ADGRB3: variants seen among roughly 807,000 people sequenced by gnomAD.
The protein encoded by ADGRB3 is brain-specific angiogenesis inhibitor 3.
A neutral mutation model predicts 193.4 loss-of-function variants in ADGRB3; 37 were observed. The ratio of observed to expected loss-of-function variants is 0.19; its 90% CI spans 0.15 to 0.25. The LOEUF is 0.25. Among genes scored for constraint, ADGRB3 ranks in the 10% least tolerant of loss-of-function variants. The probability of loss-of-function intolerance (pLI) is 1.00; values close to 1 mark genes in which losing one functional copy is unlikely to be tolerated. For missense variants in ADGRB3, 1,637 were observed against 1,852.9 expected (o/e 0.88, Z 2.14); for synonymous variants, 690 against 644.2 (o/e 1.07, Z -1.08).
intron 3 of ADGRB3, among the ~76,000 whole-genome samples, chr6:68,728,749 A>G (rs1765719648): frequency 6.6e-6 from 1 of 151,614 alleles, no homozygotes; most frequent in Non-Finnish European, 1.5e-5. Context: ...GTAATTGCCT[A>G]AAGTCAAACA....
intron 17 of ADGRB3, among the ~76,000 whole-genome samples, chr6:69,219,064 T>C (rs535966039): frequency 4.0e-4 from 61 of 152,194 alleles, no homozygotes; most frequent in African/African-American, 1.4e-3. Flanking sequence ...ATTGAAAATA[T>C]ATAGCATAGC....
At chr6:69,162,705 T>A (rs1775030108) in intron 17 of ADGRB3, among the ~76,000 whole-genome samples, 1 of 152,132 alleles carries the variant, frequency 6.6e-6, no homozygotes, top group Non-Finnish European at 1.5e-5. Flanking sequence ...TGAAAATGAT[T>A]TTAAGTTAAA....
chr6:69,112,509 T>A lies in ADGRB3; in HGVS notation c.2480+36471T>A, dbSNP rs527446751. Reference sequence around the variant, plus strand: ...GCACTGGGGACAAGTTAGGTACGCTTCACAAGCACATTTCTCCATGTTTCT... The same window carrying A: ...GCACTGGGGACAAGTTAGGTACGCTACACAAGCACATTTCTCCATGTTTCT... On this transcript the variant is annotated intron_variant, in intron 17 of 31. Coordinates refer to ENST00000370598, the MANE Select transcript of ADGRB3 (RefSeq NM_001704.3). 2.6e-5 allele frequency among the ~76,000 whole-genome samples: 4 copies of A among 152,202 alleles called. No homozygotes were observed. The East Asian group carries it at 7.7e-4, about 29-fold the overall frequency.
intron 3 of ADGRB3, among the ~76,000 whole-genome samples, chr6:68,748,592 C>G (rs963459603): frequency 6.6e-6 from 1 of 152,300 alleles, no homozygotes; most frequent in East Asian, 1.9e-4. Flanking sequence ...CGTGGTACAG[C>G]CTCCCTCTTG....
chr6:68,952,884 TCTTAAGCTTTAACATTAACACA>T (rs1767971831), intron 6 of ADGRB3, among the ~76,000 whole-genome samples: 1 of 152,134 alleles, frequency 6.6e-6, no homozygotes, highest in African/African-American at 2.4e-5. Context: ...ATATTAACAC[TCTTAAGCTTTAACATTAACACA>T]GAATATGTAC....
At chr6:69,166,100 G>A (rs1472560912) in intron 17 of ADGRB3, among the ~76,000 whole-genome samples, 3 of 152,000 alleles carry the variant, frequency 2.0e-5, no homozygotes, top group East Asian at 1.9e-4. Flanking sequence ...ATTTCAGCAA[G>A]GCAGGTATTA....
Position 68,810,703 on chromosome 6 carries a change from A to G in ADGRB3, c.758-119856A>G, listed in dbSNP as rs111263879. ...GATAGACAACAATTAGGTCACAATG[A>G]GGTTAAAAGTAAATAAAAATGAAAA... On this transcript the variant is annotated intron_variant, in intron 3 of 31. Coordinates refer to ENST00000370598, the MANE Select transcript of ADGRB3 (RefSeq NM_001704.3). Among the ~76,000 whole-genome samples the G allele has an allele frequency of 2.6e-3, 397 of 152,304 alleles. 1 individual carries two copies. The highest frequency in any genetic ancestry group is 9.1e-3 in the African/African-American group (378 of 41,558).
intron 11 of ADGRB3, among the ~76,000 whole-genome samples, chr6:68,998,961 A>G (rs532628539): frequency 1.1e-4 from 17 of 152,156 alleles, no homozygotes; most frequent in Non-Finnish European, 5.9e-5. Context: ...CACCTATAAT[A>G]TACACCTTTA....
chr6:69,170,190 A>G (rs1481210083), intron 17 of ADGRB3, among the ~76,000 whole-genome samples: 1 of 152,176 alleles, frequency 6.6e-6, no homozygotes, highest in East Asian at 1.9e-4. Context: ...TAATTTTCCA[A>G]ATTTTTATAA....
chr6:69,011,178 T>TAC (rs1039557183), intron 11 of ADGRB3, among the ~76,000 whole-genome samples: 9 of 151,066 alleles, frequency 6.0e-5, no homozygotes, highest in African/African-American at 1.7e-4. Flanking sequence ...TATATATATA[T>TAC]TCTATATGTG....
intron 3 of ADGRB3, among the ~76,000 whole-genome samples, chr6:68,658,628 A>G (rs1768548019): frequency 6.6e-6 from 1 of 151,330 alleles, no homozygotes; most frequent in African/African-American, 2.4e-5. Flanking sequence ...TTTACTCACT[A>G]ATACAAAGTT....
In ADGRB3 at chr6:69,330,142, T is replaced by C. The variant is rs571548456; in HGVS notation, c.3036-364T>C. Among the ~76,000 whole-genome samples the C allele has an allele frequency of 2.6e-5, 4 of 152,216 alleles. No homozygotes were observed. The East Asian group carries it at 5.8e-4, about 22-fold the overall frequency. On this transcript the variant is annotated intron_variant, in intron 22 of 31. Transcript: ENST00000370598. The stretch of plus-strand genomic sequence containing the variant: ...TACACTGGTCTTGCTTTAAAGTACA[T>C]TTGAAAAAATCCATAATGGATATAA...
intron 3 of ADGRB3, among the ~76,000 whole-genome samples, chr6:68,727,287 C>T (rs540853114): frequency 6.6e-6 from 1 of 151,714 alleles, no homozygotes; most frequent in East Asian, 1.9e-4. Context: ...GAATTCTTCT[C>T]TAGGCATATT....
chr6:69,001,044 GA>G (rs887224070), intron 11 of ADGRB3, among the ~76,000 whole-genome samples: 5 of 150,884 alleles, frequency 3.3e-5, no homozygotes, highest in East Asian at 1.9e-4. Flanking sequence ...TATCATTGAA[GA>G]AAAAAAAATA....
At chr6:68,912,930 G>T (rs1351744521) in intron 3 of ADGRB3, among the ~76,000 whole-genome samples, 1 of 152,126 alleles carries the variant, frequency 6.6e-6, no homozygotes, top group South Asian at 2.1e-4. Context: ...GGCTCGGAGG[G>T]TCCTACGCCC....
At chr6:69,048,378 TAAG>T in intron 14 of ADGRB3, 44 bp downstream of exon 14, 1 of 1,551,932 alleles carries the variant, frequency 6.4e-7, no homozygotes, top group Non-Finnish European at 8.8e-7. Flanking sequence ...ACATTTTTGA[TAAG>T]GTCATTTAAT....
At chr6:69,011,303 G>T (rs2150284098) in intron 11 of ADGRB3, among the ~76,000 whole-genome samples, 1 of 152,094 alleles carries the variant, frequency 6.6e-6, no homozygotes, top group East Asian at 1.9e-4. Context: ...CCATTAAAAA[G>T]AATGAAATCA....
chr6:69,266,082 T>C (rs1465933290), intron 20 of ADGRB3, among the ~76,000 whole-genome samples: 1 of 152,008 alleles, frequency 6.6e-6, no homozygotes, highest in African/African-American at 2.4e-5. Flanking sequence ...GAAAGGGCAA[T>C]GTTTTATGTC....
At chr6:69,023,824 GAC>G (rs1770343026) in intron 13 of ADGRB3, among the ~76,000 whole-genome samples, 1 of 152,136 alleles carries the variant, frequency 6.6e-6, no homozygotes, top group Non-Finnish European at 1.5e-5. Context: ...AATAGGAACT[GAC>G]ATGTGGGTAT....
Sources: gnomAD v4.1 joint callset for allele counts (sites outside exome capture counted in the v4.1 genomes callset) on GRCh38, gnomAD v4.1.1 for gene constraint, MANE v1.5 for transcripts, NCBI Gene and HGNC (gene_info 2026-07-23, HGNC 2026-07-21) for gene names.